The following BCAS3 variants were observed in gnomAD, a reference collection of about 807,000 sequenced individuals.
BCAS3 encodes the protein BCAS4/BCAS3 fusion.
Under a neutral mutation model 116.1 loss-of-function variants are expected in BCAS3, and 53 were observed. The observed-to-expected ratio is 0.46, with a 90% confidence interval of 0.37 to 0.57. The LOEUF (loss-of-function observed/expected upper bound fraction) is 0.57. Among genes scored for constraint, BCAS3 ranks in the 20% least tolerant of loss-of-function variants. BCAS3 has a pLI of 0.00. For missense variants in BCAS3, 917 were observed against 1,165.4 expected (o/e 0.79, Z 3.10); for synonymous variants, 391 against 408.2 (o/e 0.96, Z 0.51).
chr17:61,045,975 TATTA>T (rs1282619389), intron 19 of BCAS3, among the ~76,000 whole-genome samples: 3 of 10,534 alleles, frequency 2.8e-4, no homozygotes, highest in African/African-American at 1.1e-3. Context: ...AATATATATA[TATTA>T]TATATATATT....
chr17:60,954,839 A>G (rs1567957395), intron 14 of BCAS3, among the ~76,000 whole-genome samples: 1 of 152,222 alleles, frequency 6.6e-6, no homozygotes, highest in African/African-American at 2.4e-5. Context: ...CATACAATGC[A>G]TACTTTTAAA....
At position 61,349,086 on chromosome 17, in the gene BCAS3, G is replaced by C. The variant is rs988651865; in HGVS notation, c.2426-19241G>C. On this transcript the variant is annotated intron_variant, in intron 22 of 23. Transcript: ENST00000407086. The surrounding 1 kb of genome is among the most constrained non-coding windows in gnomAD (Gnocchi z 4.7). The stretch of plus-strand genomic sequence containing the variant: ...AGAGATTCTTAAGGCTGGATTTGAG[G>C]ACCCGTGCTTTGGAGCAGTGGTTCC... Among the ~76,000 whole-genome samples the C allele has an allele frequency of 5.9e-5, 9 of 152,158 alleles. No individual in the cohort carries two copies. The highest frequency in any genetic ancestry group is 1.4e-4 in the African/African-American group (6 of 41,434).
chr17:61,156,670 G>A lies in BCAS3; in HGVS notation c.2425+72106G>A, dbSNP rs1311193455. 6.6e-6 allele frequency among the ~76,000 whole-genome samples: 1 copy of A among 152,116 alleles called. No individual in the cohort carries two copies. The highest frequency in any genetic ancestry group is 1.5e-5 in the Non-Finnish European group (1 of 68,014). On this transcript the variant is annotated intron_variant, in intron 22 of 23. Coordinates refer to ENST00000407086, the MANE Select transcript of BCAS3 (RefSeq NM_017679.5). The surrounding 1 kb of genome is among the most constrained non-coding windows in gnomAD (Gnocchi z 4.7). ...GAAACTGTGTCTTTTTGTAGTTGAT[G>A]AGTAACCTGTGGATGTGAATCCTTG...
rs1164986388 is a variant in BCAS3 at position 61,188,391 on chromosome 17, G to T, written c.2425+103827G>T. Among the ~76,000 whole-genome samples the T allele has an allele frequency of 6.6e-6, 1 of 152,162 alleles. No homozygotes were observed. Among genetic ancestry groups the T allele is most frequent in the African/African-American group, 2.4e-5 (1 of 41,428 alleles). ...GTATAATAAGAAGTGTGTTCTCCAT[G>T]GAATTTTTCAACAAGAGAGTTCCCA... On this transcript the variant is annotated intron_variant, in intron 22 of 23. Transcript: ENST00000407086. This position sits in a 1 kb window ranked among gnomAD's most constrained non-coding sequence, Gnocchi z 4.0.
At chr17:61,322,748 G>C (rs958066450) in intron 22 of BCAS3, among the ~76,000 whole-genome samples, 3 of 150,356 alleles carry the variant, frequency 2.0e-5, no homozygotes, top group African/African-American at 7.4e-5. Flanking sequence ...CAAAAGTATA[G>C]TCTCATTGGT....
chr17:61,141,285 TG>T lies in BCAS3; in HGVS notation c.2425+56726del, dbSNP rs1387602886. ...TAAAGAAGTTAAATTAGGCTGGGCATGGGGGTTCATTCCTGTAATCCCAGCA... is the reference window on the plus strand; with the variant it reads ...TAAAGAAGTTAAATTAGGCTGGGCATGGGGTTCATTCCTGTAATCCCAGCA... On this transcript the variant is annotated intron_variant, in intron 22 of 23. Coordinates refer to ENST00000407086, the MANE Select transcript of BCAS3 (RefSeq NM_017679.5). The surrounding 1 kb of genome is among the most constrained non-coding windows in gnomAD (Gnocchi z 4.3). Among the ~76,000 whole-genome samples, 2 of 152,152 alleles carry T rather than the reference TG, an allele frequency of 1.3e-5. No homozygotes were observed. Among genetic ancestry groups the T allele is most frequent in the African/African-American group, 4.8e-5 (2 of 41,412 alleles).
rs1320162110 is a variant in BCAS3 at position 61,367,028 on chromosome 17, G to T, written c.2426-1299G>T. Among the ~76,000 whole-genome samples, 3 of 152,246 alleles carry T rather than the reference G, an allele frequency of 2.0e-5. No individual in the cohort carries two copies. Among genetic ancestry groups the T allele is most frequent in the Non-Finnish European group, 4.4e-5 (3 of 68,038 alleles). Reference sequence around the variant, plus strand: ...ATCAGAGGCAGGACCGCCTGCCGAGGCTGGGGCTCGCACCCTCTCTATTAC... The same window carrying T: ...ATCAGAGGCAGGACCGCCTGCCGAGTCTGGGGCTCGCACCCTCTCTATTAC... On this transcript the variant is annotated intron_variant, in intron 22 of 23. Transcript: ENST00000407086. This position sits in a 1 kb window ranked among gnomAD's most constrained non-coding sequence, Gnocchi z 6.2.
chr17:61,158,542 GT>G (rs1450047496), intron 22 of BCAS3, among the ~76,000 whole-genome samples: 1 of 152,086 alleles, frequency 6.6e-6, no homozygotes, highest in African/African-American at 2.4e-5. Context: ...TTTAACTGAG[GT>G]TAGACAGATT....
chr17:61,112,725 C>T, intron 22 of BCAS3, among the ~76,000 whole-genome samples: 1 of 150,100 alleles, frequency 6.7e-6, no homozygotes, highest in Middle Eastern at 3.4e-3. Flanking sequence ...CTCAGCTCTG[C>T]ACCAAGCGGA....
At chr17:61,044,275 G>A (rs1448931816) in intron 19 of BCAS3, among the ~76,000 whole-genome samples, 1 of 151,376 alleles carries the variant, frequency 6.6e-6, no homozygotes, top group Non-Finnish European at 1.5e-5. Flanking sequence ...GTGAAACACT[G>A]TCTCTACTAA....
At chr17:61,120,016 A>G (rs1217769959) in intron 22 of BCAS3, among the ~76,000 whole-genome samples, 1 of 152,098 alleles carries the variant, frequency 6.6e-6, no homozygotes, top group African/African-American at 2.4e-5. Flanking sequence ...ACAATATATC[A>G]TGTTCTGAAT....
At position 60,960,757 on chromosome 17, in the gene BCAS3, A is replaced by G. The variant is rs2061371564; in HGVS notation, c.1221+13405A>G. Among the ~76,000 whole-genome samples the G allele has an allele frequency of 6.7e-6, 1 of 150,108 alleles. No individual in the cohort carries two copies. The highest frequency in any genetic ancestry group is 1.5e-5 in the Non-Finnish European group (1 of 67,668). ...CCTGCTTGTGGAATTTTGCAAGTCC[A>G]GTAGCTGCCTTCTTCTTCTTTTTCT... On this transcript the variant is annotated intron_variant, in intron 14 of 23. Transcript: ENST00000407086. The surrounding 1 kb of genome is among the most constrained non-coding windows in gnomAD (Gnocchi z 4.1).
chr17:60,801,000 C>T (rs1160065438), intron 6 of BCAS3, among the ~76,000 whole-genome samples: 2 of 151,932 alleles, frequency 1.3e-5, no homozygotes, highest in African/African-American at 4.8e-5. Flanking sequence ...AGAGTGATTT[C>T]CTCTATTTTC....
rs1198994553 is a variant in BCAS3, at chr17:61,034,552, T to C, written c.1638-114T>C. ...CATTTATTACTTAAGGCAAAATGCA[T>C]GTTCATACTGGAGGATTTGAATAGG... On this transcript the variant is annotated intron_variant, in intron 16 of 23. Coordinates refer to ENST00000407086, the MANE Select transcript of BCAS3 (RefSeq NM_017679.5). This position sits in a 1 kb window ranked among gnomAD's most constrained non-coding sequence, Gnocchi z 5.0. The C allele has an allele frequency of 1.1e-6, 1 of 920,264 alleles. No individual in the cohort carries two copies. Among genetic ancestry groups the C allele is most frequent in the East Asian group, 2.8e-5 (1 of 35,792 alleles). 57.0% of individuals were successfully genotyped at this position (920,264 alleles called of 1,614,324 possible). A position where few individuals can be genotyped will look rare whatever the true frequency, so the allele number is the denominator to read the frequency against.
intron 22 of BCAS3, among the ~76,000 whole-genome samples, chr17:61,184,337 C>T (rs2079641348): frequency 7.9e-6 from 1 of 126,074 alleles, no homozygotes; most frequent in Non-Finnish European, 1.8e-5. Flanking sequence ...ACAAACACCA[C>T]AGAAGATTTT....
rs1829450714 is a variant in BCAS3 at position 61,200,119 on chromosome 17, G to T, written c.2425+115555G>T. ...TACAGCATCCTGTCTAAGCCAGTTT[G>T]AAGTTGCCCCCCTTCATTTCTTATC... is the stretch of plus-strand genomic sequence containing the variant. On this transcript the variant is annotated intron_variant, in intron 22 of 23. Transcript: ENST00000407086. The surrounding 1 kb of genome is among the most constrained non-coding windows in gnomAD (Gnocchi z 5.1). Among the ~76,000 whole-genome samples the T allele has an allele frequency of 6.6e-6, 1 of 152,180 alleles. No homozygotes were observed. The highest frequency in any genetic ancestry group is 1.5e-5 in the Non-Finnish European group (1 of 68,016).
rs570403163 is a variant in BCAS3 at position 60,794,992 on chromosome 17, G to A, written c.404-13012G>A. 2.4e-3 allele frequency among the ~76,000 whole-genome samples: 366 copies of A among 152,228 alleles called. 1 individual carries two copies. The highest frequency in any genetic ancestry group is 4.4e-3 in the Non-Finnish European group (296 of 68,024). ...GCATTGAATTTGTAGATTGCTTTTG[G>A]TAGTATGGTCATTTTCACAATATTG... On this transcript the variant is annotated intron_variant, in intron 6 of 23. Transcript: ENST00000407086.
chr17:61,007,586 A>G lies in BCAS3; in HGVS notation c.1487-8165A>G, dbSNP rs953690752. On this transcript the variant is annotated intron_variant, in intron 15 of 23. Coordinates refer to ENST00000407086, the MANE Select transcript of BCAS3 (RefSeq NM_017679.5). The surrounding 1 kb of genome is among the most constrained non-coding windows in gnomAD (Gnocchi z 4.3). ...ATATATACAGTTTCAATTCTCCTGAAAGTACACTTTTAATTCTAGTGACAT... is the reference window on the plus strand; with the variant it reads ...ATATATACAGTTTCAATTCTCCTGAGAGTACACTTTTAATTCTAGTGACAT... Among the ~76,000 whole-genome samples the G allele has an allele frequency of 2.0e-5, 3 of 152,000 alleles. No homozygotes were observed. Among genetic ancestry groups the G allele is most frequent in the African/African-American group, 7.2e-5 (3 of 41,396 alleles).
intron 22 of BCAS3, among the ~76,000 whole-genome samples, chr17:61,085,055 A>C (rs1260883199): frequency 6.6e-6 from 1 of 152,216 alleles, no homozygotes; most frequent in African/African-American, 2.4e-5. Context: ...ACAGTTATTA[A>C]TTTCCTATCC....
Sources: gnomAD v4.1 joint callset for allele counts (sites outside exome capture counted in the v4.1 genomes callset) on GRCh38, gnomAD v4.1.1 for gene constraint, Gnocchi (gnomAD v3.1) non-coding constraint, MANE v1.5 for transcripts, NCBI Gene and HGNC (gene_info 2026-07-23, HGNC 2026-07-21) for gene names.